MAN1A2: variants seen among roughly 807,000 people sequenced by gnomAD.
MAN1A2 encodes mannosidase alpha class 1A member 2.
Under a neutral mutation model 75.7 loss-of-function variants are expected in MAN1A2, and 26 were observed. The observed-to-expected ratio is 0.34, with a 90% CI of 0.25 to 0.48. The LOEUF is 0.48. Ranked by LOEUF, MAN1A2 falls within the 20% of genes least tolerant of loss-of-function variation. The pLI is 0.99. For missense variants in MAN1A2, 562 were observed against 775.5 expected (o/e 0.72, Z 3.27); for synonymous variants, 247 against 264.6 (o/e 0.93, Z 0.65).
At chr1:117,440,436 T>C (rs556995178) in intron 5 of MAN1A2, among the ~76,000 whole-genome samples, 1 of 152,320 alleles carries the variant, frequency 6.6e-6, no homozygotes, top group Admixed American at 6.5e-5. Flanking sequence ...TTTGCCTGCA[T>C]TGCATACTGA....
At chr1:117,422,096 T>A (rs149675020) in intron 5 of MAN1A2, among the ~76,000 whole-genome samples, 38 of 152,264 alleles carry the variant, frequency 2.5e-4, no homozygotes, top group Non-Finnish European at 4.6e-4. Flanking sequence ...TAAAATTCAG[T>A]ATATAGTTTT....
At chr1:117,373,097 A>G (rs918341189) in intron 1 of MAN1A2, among the ~76,000 whole-genome samples, 3 of 152,036 alleles carry the variant, frequency 2.0e-5, no homozygotes, top group Non-Finnish European at 4.4e-5. Flanking sequence ...TGGCTAGTCC[A>G]GGCTGCAGTG....
chr1:117,496,686 A>C, intron 9 of MAN1A2, 77 bp from the exon 10 acceptor site: 1 of 1,037,034 alleles, frequency 9.6e-7, no homozygotes, highest in Non-Finnish European at 1.5e-6. Flanking sequence ...CAGGTTTTAT[A>C]ATGGCCAGAA....
At chr1:117,514,823 A>G (rs1262964989) in intron 12 of MAN1A2, 1 of 532,582 alleles carries the variant, frequency 1.9e-6, no homozygotes, top group Admixed American at 1.9e-5. Context: ...TTTATCTTTT[A>G]TCTTGTCTGC....
chr1:117,397,302 T>C (rs1401241312), intron 1 of MAN1A2, among the ~76,000 whole-genome samples: 1 of 152,128 alleles, frequency 6.6e-6, no homozygotes, highest in Non-Finnish European at 1.5e-5. Flanking sequence ...ACAACATAGG[T>C]TCTGATGAGC....
intron 1 of MAN1A2, among the ~76,000 whole-genome samples, chr1:117,377,716 A>G (rs1557925247): frequency 2.0e-5 from 3 of 152,156 alleles, no homozygotes; most frequent in African/African-American, 4.8e-5. Flanking sequence ...GGTGCTGTGA[A>G]TCTTTCTGGT....
intron 5 of MAN1A2, among the ~76,000 whole-genome samples, chr1:117,432,970 A>T (rs1648723029): frequency 6.7e-6 from 1 of 149,434 alleles, no homozygotes; most frequent in African/African-American, 2.4e-5. Flanking sequence ...AAGATAATAT[A>T]TCAAGAAAAA....
At chr1:117,478,453 T>C (rs1429122060) in intron 8 of MAN1A2, among the ~76,000 whole-genome samples, 5 of 151,946 alleles carry the variant, frequency 3.3e-5, no homozygotes, top group African/African-American at 1.2e-4. Flanking sequence ...TTATGAATTA[T>C]ATTTTATGTC....
At chr1:117,445,972 T>C (rs1048807359) in intron 6 of MAN1A2, among the ~76,000 whole-genome samples, 1 of 147,728 alleles carries the variant, frequency 6.8e-6, no homozygotes, top group Non-Finnish European at 1.5e-5. Flanking sequence ...TTATATATGA[T>C]ATATAAACAT....
chr1:117,515,356 C>T (rs574310651), intron 12 of MAN1A2: 1 of 152,260 alleles, frequency 6.6e-6, no homozygotes, highest in Admixed American at 6.6e-5. Context: ...TTTGTATCTG[C>T]GAGAGGTCCT....
chr1:117,428,729 A>G (rs973300697), intron 5 of MAN1A2, among the ~76,000 whole-genome samples: 2 of 151,768 alleles, frequency 1.3e-5, no homozygotes, highest in African/African-American at 4.8e-5. Context: ...GACTACATCA[A>G]TATCAGAGTA....
At chr1:117,375,891 A>G (rs1653119804) in intron 1 of MAN1A2, among the ~76,000 whole-genome samples, 1 of 150,034 alleles carries the variant, frequency 6.7e-6, no homozygotes, top group South Asian at 2.1e-4. Context: ...TTTTTCTAAG[A>G]TGTATTTAAG....
chr1:117,450,266 T>C (rs188087899), intron 6 of MAN1A2, among the ~76,000 whole-genome samples: 13 of 152,346 alleles, frequency 8.5e-5, no homozygotes, highest in African/African-American at 2.9e-4. Flanking sequence ...ATTTTGCTCC[T>C]GCCCTAGAGA....
At chr1:117,455,239 G>A (rs929217409) in intron 6 of MAN1A2, among the ~76,000 whole-genome samples, 2 of 152,128 alleles carry the variant, frequency 1.3e-5, no homozygotes, top group African/African-American at 2.4e-5. Context: ...TTGAGTGAAA[G>A]AGCCAAACAC....
Position 117,474,979 on chromosome 1 carries a change from A to G in MAN1A2, c.1168+8552A>G, listed in dbSNP as rs573512320. Among the ~76,000 whole-genome samples the G allele has an allele frequency of 8.5e-5, 13 of 152,078 alleles. No individual in the cohort carries two copies. The East Asian group carries it at 2.1e-3, about 25-fold the overall frequency. On this transcript the variant is annotated intron_variant, in intron 8 of 12. Transcript: ENST00000356554. ...TACTCTTTATGTGGCTTCTTTCAGC[A>G]TAATTATTTTGAGATTGATCTATGT... is the stretch of plus-strand genomic sequence containing the variant.
chr1:117,454,168 C>G (rs952751825), intron 6 of MAN1A2, among the ~76,000 whole-genome samples: 3 of 152,080 alleles, frequency 2.0e-5, no homozygotes, highest in African/African-American at 7.2e-5. Context: ...CATTTTGTTG[C>G]AATATTTGCT....
chr1:117,416,271 A>G (rs1647988645), intron 4 of MAN1A2, among the ~76,000 whole-genome samples: 1 of 152,100 alleles, frequency 6.6e-6, no homozygotes. Flanking sequence ...CCATATGTCA[A>G]TACTAAACTA....
chr1:117,464,238 C>T (rs1431540048), intron 7 of MAN1A2, among the ~76,000 whole-genome samples: 1 of 151,060 alleles, frequency 6.6e-6, no homozygotes. Context: ...CGTGCCTGTA[C>T]TCCCCAGCTA....
chr1:117,380,472 A>C (rs1219020527), intron 1 of MAN1A2, among the ~76,000 whole-genome samples: 5 of 152,130 alleles, frequency 3.3e-5, no homozygotes, highest in South Asian at 2.1e-4. Flanking sequence ...TTTTTCCATA[A>C]GATTTTTTAA....
Sources: gnomAD v4.1 joint callset for allele counts (sites outside exome capture counted in the v4.1 genomes callset) on GRCh38, gnomAD v4.1.1 for gene constraint, MANE v1.5 for transcripts, NCBI Gene and HGNC (gene_info 2026-07-23, HGNC 2026-07-21) for gene names.